GALNTL6: variants seen among roughly 807,000 people sequenced by gnomAD.
The protein encoded by GALNTL6 is polypeptide N-acetylgalactosaminyltransferase-like 6.
Under a neutral mutation model 73.7 loss-of-function variants are expected in GALNTL6, and 46 were observed. The ratio of observed to expected loss-of-function variants is 0.62; its 90% CI spans 0.49 to 0.80. The LOEUF (loss-of-function observed/expected upper bound fraction) is 0.80, where lower values mean the gene tolerates loss of function less well. Among genes scored for constraint, GALNTL6 ranks in the 30% least tolerant of loss-of-function variants. The probability of loss-of-function intolerance (pLI) is 0.00; values close to 1 mark genes in which losing one functional copy is unlikely to be tolerated. For synonymous variants in GALNTL6, 259 were observed against 263.7 expected, an observed-to-expected ratio of 0.98 and a Z score of 0.17; for missense variants, 604 against 755.0, an observed-to-expected ratio of 0.80 and a Z score of 2.34.
intron 5 of GALNTL6, among the ~76,000 whole-genome samples, chr4:172,540,051 CTTTT>C (rs70944413): frequency 7.7e-6 from 1 of 129,206 alleles, no homozygotes. Flanking sequence ...TTCTTTCTTT[CTTTT>C]TTTTTTTTTT....
intron 5 of GALNTL6, among the ~76,000 whole-genome samples, chr4:172,637,463 G>T (rs1739750520): frequency 6.6e-6 from 1 of 152,100 alleles, no homozygotes; most frequent in African/African-American, 2.4e-5. Flanking sequence ...AGACAGAATT[G>T]CTGTATTTAC....
Position 172,889,101 on chromosome 4 carries a change from A to G in GALNTL6, c.1041+6194A>G, listed in dbSNP as rs533843827. On this transcript the variant is annotated intron_variant, in intron 8 of 12. Coordinates refer to ENST00000506823, the MANE Select transcript of GALNTL6 (RefSeq NM_001034845.3). Reference sequence around the variant, plus strand: ...ATAAAAATACTACTAAATTTTGTACATTGATTTTGTATACTGAAACTTTAC... The same window carrying G: ...ATAAAAATACTACTAAATTTTGTACGTTGATTTTGTATACTGAAACTTTAC... 2.4e-4 allele frequency among the ~76,000 whole-genome samples: 37 copies of G among 152,226 alleles called. 1 individual carries two copies. In the South Asian group the frequency reaches 4.4e-3, roughly 18 times the overall value.
intron 12 of GALNTL6, among the ~76,000 whole-genome samples, chr4:173,033,659 C>T (rs1753563130): frequency 6.6e-6 from 1 of 152,164 alleles, no homozygotes; most frequent in Admixed American, 6.5e-5. Flanking sequence ...CAGATGGAAA[C>T]CCTGAATCAC....
intron 2 of GALNTL6, among the ~76,000 whole-genome samples, chr4:171,833,013 A>G (rs74664318): frequency 0.014 from 2,135 of 151,912 alleles, 47 homozygotes; most frequent in African/African-American, 0.048. Context: ...TTTAATCAAT[A>G]TAAAATATCA....
intron 5 of GALNTL6, among the ~76,000 whole-genome samples, chr4:172,777,660 T>G (rs1228062741): frequency 6.6e-6 from 1 of 152,212 alleles, no homozygotes; most frequent in Non-Finnish European, 1.5e-5. Context: ...TAGTTTAATT[T>G]TCTATTTATG....
chr4:172,585,384 G>T (rs150225746), intron 5 of GALNTL6, among the ~76,000 whole-genome samples: 176 of 152,134 alleles, frequency 1.2e-3, no homozygotes, highest in African/African-American at 3.6e-3. Flanking sequence ...TTAGGCATTT[G>T]TCCTAACACT....
chr4:172,600,602 T>G (rs951907773), intron 5 of GALNTL6, among the ~76,000 whole-genome samples: 2 of 152,170 alleles, frequency 1.3e-5, no homozygotes, highest in African/African-American at 4.8e-5. Flanking sequence ...TAAAACTACG[T>G]AAGTCTAGGC....
chr4:172,484,892 C>T (rs1733616411), intron 5 of GALNTL6, among the ~76,000 whole-genome samples: 2 of 151,956 alleles, frequency 1.3e-5, no homozygotes, highest in African/African-American at 4.8e-5. Flanking sequence ...AAATTTGTGT[C>T]ATATGAAAAC....
rs572558331 is a variant in GALNTL6 at position 171,867,302 on chromosome 4, C to A, written c.138+52584C>A. Among the ~76,000 whole-genome samples the A allele has an allele frequency of 4.4e-4, 67 of 151,866 alleles. 1 individual carries two copies. The highest frequency in any genetic ancestry group is 5.9e-5 in the Non-Finnish European group (4 of 67,934). On this transcript the variant is annotated intron_variant, in intron 2 of 12. Transcript: ENST00000506823. ...TTCCCAATTCAGTTGACAAAAGGGC[C>A]CTAAAGGTCATCTTGTATAATAAAT...
rs1440611992 is a variant in GALNTL6, at chr4:172,510,779, C to T, written c.553+162090C>T. Among the ~76,000 whole-genome samples the T allele has an allele frequency of 3.6e-5, 2 of 55,158 alleles. 1 individual carries two copies. The highest frequency in any genetic ancestry group is 8.4e-5 in the Non-Finnish European group (2 of 23,824). 36.2% of individuals were successfully genotyped at this position (55,158 alleles called of 152,430 possible). A position where few individuals can be genotyped will look rare whatever the true frequency, so the allele number is the denominator to read the frequency against. ...TGCATATGTTAAACTATCTCTGCATCCCTAGGATGAAACCCACTTGATCAC... is the reference window on the plus strand; with the variant it reads ...TGCATATGTTAAACTATCTCTGCATTCCTAGGATGAAACCCACTTGATCAC... On this transcript the variant is annotated intron_variant, in intron 5 of 12. Coordinates refer to ENST00000506823, the MANE Select transcript of GALNTL6 (RefSeq NM_001034845.3).
At chr4:172,141,372 C>T (rs1440616274) in intron 2 of GALNTL6, among the ~76,000 whole-genome samples, 1 of 151,976 alleles carries the variant, frequency 6.6e-6, no homozygotes, top group African/African-American at 2.4e-5. Flanking sequence ...ACAGAAATAA[C>T]ATTTACAATA....
intron 5 of GALNTL6, among the ~76,000 whole-genome samples, chr4:172,632,654 C>A (rs1259300858): frequency 6.6e-6 from 1 of 152,122 alleles, no homozygotes; most frequent in Non-Finnish European, 1.5e-5. Flanking sequence ...TTCAAGCCAG[C>A]TGCAAAAATT....
intron 3 of GALNTL6, among the ~76,000 whole-genome samples, chr4:172,281,124 G>A (rs1041492667): frequency 5.3e-5 from 8 of 151,834 alleles, no homozygotes; most frequent in South Asian, 2.1e-4. Flanking sequence ...AACCGAGATC[G>A]CACCACTGCA....
intron 5 of GALNTL6, among the ~76,000 whole-genome samples, chr4:172,740,860 A>G (rs1384268944): frequency 6.6e-6 from 1 of 152,132 alleles, no homozygotes; most frequent in Non-Finnish European, 1.5e-5. Flanking sequence ...TTACCGTGCT[A>G]TTGGCAGTAA....
chr4:171,827,953 A>C (rs749108229), intron 2 of GALNTL6, among the ~76,000 whole-genome samples: 118 of 152,190 alleles, frequency 7.8e-4, no homozygotes, highest in Admixed American at 4.0e-3. Context: ...TAATATAAAA[A>C]AAGTTATGTT....
rs5864173 is a variant in GALNTL6, at chr4:172,871,611, AGTGTGT to A, written c.924-11150_924-11145del. ...TCTGGGGGGGGTGTGTGTGTGTGAG[AGTGTGT>A]GTGTGTGTGTGTGTGTGTGTGTGTG... On this transcript the variant is annotated intron_variant, in intron 7 of 12. Transcript: ENST00000506823. 4.2e-3 allele frequency among the ~76,000 whole-genome samples: 577 copies of A among 137,578 alleles called. 6 individuals are homozygous for A. Among genetic ancestry groups the A allele is most frequent in the African/African-American group, 0.013 (485 of 37,328 alleles). 90.3% of individuals were successfully genotyped at this position (137,578 alleles called of 152,430 possible).
intron 2 of GALNTL6, among the ~76,000 whole-genome samples, chr4:172,142,814 G>T (rs1733835386): frequency 6.6e-6 from 1 of 151,896 alleles, no homozygotes; most frequent in African/African-American, 2.4e-5. Context: ...TATTTGAATA[G>T]ACAAGAAATG....
chr4:172,036,889 C>T (rs762179415), intron 2 of GALNTL6, among the ~76,000 whole-genome samples: 3 of 152,134 alleles, frequency 2.0e-5, no homozygotes, highest in Non-Finnish European at 4.4e-5. Flanking sequence ...ATTCTGTCAG[C>T]ACTGAAAGTT....
chr4:172,911,060 C>T (rs559286326), intron 8 of GALNTL6, among the ~76,000 whole-genome samples: 10 of 152,356 alleles, frequency 6.6e-5, no homozygotes, highest in African/African-American at 2.4e-4. Context: ...CAAGACAAAC[C>T]ACTGTCAAAG....
Sources: gnomAD v4.1 joint callset for allele counts (sites outside exome capture counted in the v4.1 genomes callset) on GRCh38, gnomAD v4.1.1 for gene constraint, MANE v1.5 for transcripts, NCBI Gene and HGNC (gene_info 2026-07-23, HGNC 2026-07-21) for gene names.